The following AGBL4 variants were observed in gnomAD, a reference collection of about 807,000 sequenced individuals.
AGBL4 encodes the protein AGBL carboxypeptidase 4, also known as cytosolic carboxypeptidase 6.
A neutral mutation model predicts 66.4 loss-of-function variants in AGBL4; 58 were observed. The ratio of observed to expected loss-of-function variants is 0.87; its 90% confidence interval spans 0.71 to 1.09. The LOEUF (loss-of-function observed/expected upper bound fraction) is 1.09. AGBL4 is among the 50% of genes least tolerant of loss of function. The pLI is 0.00. For synonymous variants in AGBL4, 234 were observed against 222.9 expected, an observed-to-expected ratio of 1.05 and a Z score of -0.44; for missense variants, 579 against 631.0, an observed-to-expected ratio of 0.92 and a Z score of 0.88.
intron 3 of AGBL4, among the ~76,000 whole-genome samples, chr1:49,467,977 T>C (rs1483168024): frequency 7.2e-5 from 11 of 151,860 alleles, no homozygotes; most frequent in Admixed American, 7.2e-4. Flanking sequence ...TATCAAATTA[T>C]AGCATTGTAA....
At chr1:49,015,172 CT>C (rs1156747220) in intron 5 of AGBL4, among the ~76,000 whole-genome samples, 1 of 152,090 alleles carries the variant, frequency 6.6e-6, no homozygotes, top group Non-Finnish European at 1.5e-5. Context: ...ACTTTAGCCC[CT>C]GATTGTGTTG....
At chr1:49,735,045 A>G (rs1228068369) in intron 2 of AGBL4, among the ~76,000 whole-genome samples, 1 of 152,160 alleles carries the variant, frequency 6.6e-6, no homozygotes, top group Non-Finnish European at 1.5e-5. Flanking sequence ...AAATGGTGCC[A>G]GACAACTGTG....
intron 6 of AGBL4, among the ~76,000 whole-genome samples, chr1:48,773,878 T>C (rs1644952962): frequency 6.6e-6 from 1 of 152,234 alleles, no homozygotes; most frequent in Admixed American, 6.5e-5. Flanking sequence ...TGTGTAGGCA[T>C]ATAGCAAGAC....
At chr1:49,286,899 C>T (rs1460872262) in intron 3 of AGBL4, among the ~76,000 whole-genome samples, 4 of 152,134 alleles carry the variant, frequency 2.6e-5, no homozygotes, top group East Asian at 1.9e-4. Flanking sequence ...GAGCCCGCAT[C>T]GCCAAGTCAA....
Position 48,927,243 on chromosome 1 carries a change from C to T in AGBL4, c.595-60013G>A, listed in dbSNP as rs372184800. On this transcript the variant is annotated intron_variant, in intron 5 of 13. Coordinates refer to ENST00000371839, the MANE Select transcript of AGBL4 (RefSeq NM_032785.4). The stretch of plus-strand genomic sequence containing the variant: ...GAGGTTTAATGGGCTAACAGTTCCA[C>T]GTGGCTGGGGAGGCCTCACAATCAT... Among the ~76,000 whole-genome samples, 6 of 152,124 alleles carry T rather than the reference C, an allele frequency of 3.9e-5. No homozygotes were observed. The East Asian group carries it at 5.8e-4, about 15-fold the overall frequency.
intron 4 of AGBL4, among the ~76,000 whole-genome samples, chr1:49,141,544 GC>G (rs1397605688): frequency 6.6e-6 from 1 of 151,986 alleles, no homozygotes; most frequent in Admixed American, 6.6e-5. Flanking sequence ...TCAAATTCCT[GC>G]CAAGACTCTG....
intron 1 of AGBL4, among the ~76,000 whole-genome samples, chr1:49,902,006 A>AC (rs1469009720): frequency 6.6e-6 from 1 of 152,164 alleles, no homozygotes; most frequent in Non-Finnish European, 1.5e-5. Context: ...CTGAAACTGG[A>AC]CCCCTTCCTT....
At chr1:48,719,738 G>A (rs941185402) in intron 6 of AGBL4, among the ~76,000 whole-genome samples, 12 of 152,184 alleles carry the variant, frequency 7.9e-5, no homozygotes, top group Non-Finnish European at 4.4e-5. Flanking sequence ...ATAGTTATAA[G>A]TGCATTTTAG....
At chr1:49,074,861 G>A (rs956134218) in intron 4 of AGBL4, among the ~76,000 whole-genome samples, 3 of 152,086 alleles carry the variant, frequency 2.0e-5, no homozygotes, top group African/African-American at 7.2e-5. Context: ...GTGGGAATGG[G>A]ACAAATCAAA....
chr1:49,106,267 C>A (rs1003275143), intron 4 of AGBL4, among the ~76,000 whole-genome samples: 1 of 152,166 alleles, frequency 6.6e-6, no homozygotes. Flanking sequence ...GCTTAAATCA[C>A]ACATACATAC....
At chr1:49,704,789 T>C (rs1647173104) in intron 2 of AGBL4, among the ~76,000 whole-genome samples, 1 of 152,212 alleles carries the variant, frequency 6.6e-6, no homozygotes, top group South Asian at 2.1e-4. Context: ...TTGGTCTATA[T>C]ATCTGTGTTG....
At chr1:49,400,894 T>C (rs984520753) in intron 3 of AGBL4, among the ~76,000 whole-genome samples, 1 of 152,154 alleles carries the variant, frequency 6.6e-6, no homozygotes, top group Admixed American at 6.5e-5. Flanking sequence ...GTGTTCCAAA[T>C]GTAGAGGAAA....
rs1644976893 is a variant in AGBL4 at position 49,806,350 on chromosome 1, CT to C, written c.157+45045del. Among the ~76,000 whole-genome samples, 2 of 152,166 alleles carry C rather than the reference CT, an allele frequency of 1.3e-5. 1 individual carries two copies. The highest frequency in any genetic ancestry group is 4.1e-4 in the South Asian group (2 of 4,822). ...AACTTGGCTTAATTGTGTCTGTGTC[CT>C]AGTATTTTGTTGAAGTATTTCTGTG... On this transcript the variant is annotated intron_variant, in intron 2 of 13. Coordinates refer to ENST00000371839, the MANE Select transcript of AGBL4 (RefSeq NM_032785.4).
intron 3 of AGBL4, among the ~76,000 whole-genome samples, chr1:49,278,454 C>T (rs1013304791): frequency 4.6e-5 from 7 of 152,096 alleles, no homozygotes; most frequent in African/African-American, 9.7e-5. Context: ...AATTACAGGA[C>T]GACTGATCTA....
At chr1:49,702,701 A>T (rs981029022) in intron 2 of AGBL4, among the ~76,000 whole-genome samples, 9 of 152,184 alleles carry the variant, frequency 5.9e-5, no homozygotes, top group Non-Finnish European at 1.2e-4. Context: ...ATCTTCAAAG[A>T]AATACTAACA....
intron 3 of AGBL4, among the ~76,000 whole-genome samples, chr1:49,571,243 TTG>T (rs543346779): frequency 4.6e-4 from 70 of 152,158 alleles, no homozygotes; most frequent in African/African-American, 1.2e-3. Context: ...TTTCATTTGT[TTG>T]TGTCATCTAC....
At chr1:49,845,871 G>T in intron 2 of AGBL4, 1 of 1,414,686 alleles carries the variant, frequency 7.1e-7, no homozygotes, top group Non-Finnish European at 1.0e-6. Context: ...TTCTGGCAGA[G>T]CACAAACCTC....
At chr1:48,787,849 A>T (rs12126848) in intron 6 of AGBL4, among the ~76,000 whole-genome samples, 31,325 of 152,146 alleles carry the variant, frequency 0.21, 4,152 homozygotes, top group East Asian at 0.47. Flanking sequence ...GGGAAGGTTT[A>T]TCTCAACTGG....
At chr1:49,113,335 C>G (rs1485494936) in intron 4 of AGBL4, among the ~76,000 whole-genome samples, 1 of 151,298 alleles carries the variant, frequency 6.6e-6, no homozygotes, top group Non-Finnish European at 1.5e-5. Flanking sequence ...ACCTCCACCT[C>G]CCAGGTTCAA....
Sources: gnomAD v4.1 joint callset for allele counts (sites outside exome capture counted in the v4.1 genomes callset) on GRCh38, gnomAD v4.1.1 for gene constraint, MANE v1.5 for transcripts, NCBI Gene and HGNC (gene_info 2026-07-23, HGNC 2026-07-21) for gene names.